The following LONP1 variants were observed in gnomAD, a reference collection of about 807,000 sequenced individuals.
LONP1 encodes lon peptidase 1, mitochondrial.
LONP1 carries 31 observed loss-of-function variants against 98.5 expected under a neutral mutation model. The observed-to-expected ratio is 0.31, with a 90% CI of 0.24 to 0.42. LONP1 has a LOEUF of 0.42. Among genes scored for constraint, LONP1 ranks in the 20% least tolerant of loss-of-function variants. The pLI is 1.00. For synonymous variants in LONP1, 781 were observed against 594.7 expected (o/e 1.31, Z -4.56); for missense variants, 1,336 against 1,350.6 (o/e 0.99, Z 0.17).
chr19:5,700,703 C>A, intron 9 of LONP1, 86 bp downstream of exon 9: 2 of 1,554,344 alleles, frequency 1.3e-6, no homozygotes, highest in East Asian at 2.3e-5. Context: ...CAGGGGGCTC[C>A]TTTGAAATCT....
intron 9 of LONP1, among the ~76,000 whole-genome samples, chr19:5,699,562 T>G (rs1250490828): frequency 1.3e-5 from 2 of 148,812 alleles, no homozygotes; most frequent in Non-Finnish European, 3.0e-5. Context: ...CCTGTTTTTT[T>G]TTTTTTTTTT....
In LONP1 at chr19:5,719,844, C is replaced by T; in HGVS notation, c.289G>A (p.Ala97Thr). ...TCCCCGGCGCCCGCGCTGCCCCCCG[C>T]GCCGCCGGCTCCTTCCTCCGCGCCG... is the stretch of plus-strand genomic sequence containing the variant. Reference protein sequence around the residue: ...EGGAEEGAGGAGGSAGAGEGP... With the variant: ...EGGAEEGAGGTGGSAGAGEGP... The change falls in exon 1 of 18, where the codon GCG (alanine) becomes ACG (threonine). Residue 97 changes from alanine (A) to threonine (T), a missense_variant. This residue lies in a region of LONP1 where 457 missense variants were observed against 403.1 expected (regional missense o/e 1.13). Coordinates refer to ENST00000360614, the MANE Select transcript of LONP1 (RefSeq NM_004793.4). The T allele has an allele frequency of 6.2e-7, 1 of 1,607,294 alleles. No homozygotes were observed. Among genetic ancestry groups the T allele is most frequent in the Non-Finnish European group, 8.5e-7 (1 of 1,177,640 alleles).
chr19:5,701,309 GC>G (rs780733458), intron 8 of LONP1, among the ~76,000 whole-genome samples: 1 of 151,960 alleles, frequency 6.6e-6, no homozygotes, highest in Non-Finnish European at 1.5e-5. Context: ...TTCTGCCTCT[GC>G]CTCTGCCCTC....
At chr19:5,708,493 A>T in intron 4 of LONP1, 90 bp from the exon 5 acceptor site, 1 of 1,203,460 alleles carries the variant, frequency 8.3e-7, no homozygotes. Flanking sequence ...AGCCCCACCC[A>T]CCAGCTCCAT....
intron 15 of LONP1, 108 bp from the exon 16 acceptor site, chr19:5,693,877 G>A (rs888613894): frequency 2.2e-5 from 20 of 901,358 alleles, no homozygotes; most frequent in Non-Finnish European, 3.2e-5. Context: ...TTAGCATCTT[G>A]GTGCCCCTGG....
At chr19:5,695,443 C>G (rs1027759034) in intron 13 of LONP1, among the ~76,000 whole-genome samples, 7 of 152,142 alleles carry the variant, frequency 4.6e-5, no homozygotes, top group African/African-American at 1.7e-4. Context: ...CCCCCCAGTC[C>G]TGTCCCCAGG....
intron 9 of LONP1, 95 bp from the exon 10 acceptor site, chr19:5,699,300 TG>T: frequency 9.5e-7 from 1 of 1,049,450 alleles, no homozygotes. Flanking sequence ...TTCAGACGTC[TG>T]AGGGCTGCGA....
chr19:5,700,322 A>G (rs1440009344), intron 9 of LONP1, among the ~76,000 whole-genome samples: 2 of 152,236 alleles, frequency 1.3e-5, no homozygotes, highest in Non-Finnish European at 2.9e-5. Flanking sequence ...CATGTTGGTC[A>G]GGCTGGTCTT....
intron 10 of LONP1, among the ~76,000 whole-genome samples, chr19:5,697,982 C>T (rs930850291): frequency 2.0e-5 from 3 of 148,352 alleles, no homozygotes; most frequent in African/African-American, 7.5e-5. Flanking sequence ...CCCCCACCCC[C>T]ACCCCTCCAC....
intron 3 of LONP1, 37 bp downstream of exon 3, chr19:5,713,097 T>A: frequency 6.2e-7 from 1 of 1,613,322 alleles, no homozygotes; most frequent in Non-Finnish European, 8.5e-7. Flanking sequence ...CGTGGTACTC[T>A]GCCCCCACCT....
chr19:5,709,809 G>A (rs1422718675), intron 4 of LONP1, among the ~76,000 whole-genome samples: 1 of 149,896 alleles, frequency 6.7e-6, no homozygotes, highest in African/African-American at 2.5e-5. Flanking sequence ...CTACTGGGGA[G>A]GCTGAGGCAG....
chr19:5,706,939 G>C (rs1165039043), intron 7 of LONP1, 121 bp downstream of exon 7: 8 of 756,996 alleles, frequency 1.1e-5, no homozygotes, highest in Non-Finnish European at 1.8e-5. Context: ...ACCCAGACAG[G>C]CCTTCTTGGC....
intron 2 of LONP1, 83 bp from the exon 3 acceptor site, chr19:5,713,336 A>T: frequency 6.6e-7 from 1 of 1,514,786 alleles, no homozygotes; most frequent in Non-Finnish European, 9.1e-7. Context: ...GAGGAGGGAG[A>T]GAAAAGAAAC....
intron 17 of LONP1, 116 bp from the exon 18 acceptor site, chr19:5,692,324 C>T: frequency 9.3e-7 from 1 of 1,070,564 alleles, no homozygotes; most frequent in Admixed American, 2.5e-5. Flanking sequence ...ATGCCGGGTT[C>T]TAAGCAGTAA....
intron 4 of LONP1, among the ~76,000 whole-genome samples, chr19:5,711,147 A>G (rs2055230968): frequency 6.6e-6 from 1 of 152,226 alleles, no homozygotes; most frequent in Non-Finnish European, 1.5e-5. Flanking sequence ...CCCACAGCAG[A>G]CATCACCAGT....
chr19:5,702,067 G>GAGGGAGGT (rs1170879275), intron 8 of LONP1, among the ~76,000 whole-genome samples: 3 of 134,792 alleles, frequency 2.2e-5, no homozygotes, highest in Non-Finnish European at 5.0e-5. Context: ...CCCCGTCCGG[G>GAGGGAGGT]AGGGAGGTGG....
rs763570527 is a variant in LONP1 at position 5,692,050 on chromosome 19, C to T, written c.2862G>A (p.Ala954=). The change falls in exon 18 of 18, where the codon GCG becomes GCA. Residue 954 remains alanine, a synonymous_variant. Coordinates refer to ENST00000360614, the MANE Select transcript of LONP1 (RefSeq NM_004793.4). ...GTGGCCGTCACCGTTCCACGGCCAG[C>T]GCCTCTGCCTGCTCGTCCGGGAAGG... The part of the protein sequence containing the change: ...DIAFPDEQAE[A]LAVER The T allele has an allele frequency of 1.9e-6, 3 of 1,612,968 alleles. No homozygotes were observed. Among genetic ancestry groups the T allele is most frequent in the African/African-American group, 1.3e-5 (1 of 74,922 alleles).
At position 5,693,525 on chromosome 19, in the gene LONP1, G is replaced by A. The variant is rs537473338; in HGVS notation, c.2538+27C>T. ...CCAGCAGCCCAGGGACTGGGCGGGA[G>A]CAGGTGGGAGCGGATGGCGCGGTCA... On this transcript the variant is annotated intron_variant, in intron 16 of 17. Coordinates refer to ENST00000360614, the MANE Select transcript of LONP1 (RefSeq NM_004793.4). The A allele has an allele frequency of 8.7e-6, 14 of 1,613,356 alleles. No homozygotes were observed. In the Admixed American group the frequency reaches 1.2e-4, roughly 13 times the overall value.
At chr19:5,700,692 C>A (rs1177638839) in intron 9 of LONP1, 97 bp downstream of exon 9, 18 of 1,521,070 alleles carry the variant, frequency 1.2e-5, no homozygotes, top group Non-Finnish European at 1.5e-5. Context: ...TACGAATTCA[C>A]CAGGGGGCTC....
Sources: gnomAD v4.1 joint callset for allele counts (sites outside exome capture counted in the v4.1 genomes callset) on GRCh38, gnomAD v4.1.1 for gene constraint, gnomAD v4.1.1 regional missense constraint, MANE v1.5 for transcripts, NCBI Gene and HGNC (gene_info 2026-07-23, HGNC 2026-07-21) for gene names.